HDAC4: variants seen among roughly 807,000 people sequenced by gnomAD.
HDAC4 encodes histone deacetylase A.
A neutral mutation model predicts 135.1 loss-of-function variants in HDAC4; 16 were observed. That is an observed-to-expected ratio of 0.12 (90% CI 0.08 to 0.18). The LOEUF is 0.18. Among genes scored for constraint, HDAC4 ranks in the 10% least tolerant of loss-of-function variants. The pLI, the probability that HDAC4 is intolerant of heterozygous loss-of-function variation, is 1.00. For missense variants in HDAC4, 1,143 were observed against 1,511.8 expected, an observed-to-expected ratio of 0.76 and a Z score of 4.05; for synonymous variants, 685 against 653.4, an observed-to-expected ratio of 1.05 and a Z score of -0.74.
At chr2:239,142,873 C>CA (rs1317821073) in intron 8 of HDAC4, among the ~76,000 whole-genome samples, 4 of 106,716 alleles carry the variant, frequency 3.7e-5, no homozygotes, top group African/African-American at 1.1e-4. Context: ...TCACGCCCTG[C>CA]CGCATGGCTC....
intron 5 of HDAC4, among the ~76,000 whole-genome samples, chr2:239,166,784 G>T (rs2043146307): frequency 6.6e-6 from 1 of 152,236 alleles, no homozygotes; most frequent in African/African-American, 2.4e-5. Context: ...AGGCCGGGCG[G>T]TGGGGAAGAT....
At chr2:239,374,650 G>A (rs1412083751) in intron 1 of HDAC4, among the ~76,000 whole-genome samples, 21 of 151,804 alleles carry the variant, frequency 1.4e-4, no homozygotes, top group Admixed American at 1.0e-3. Context: ...TGATCCGCCC[G>A]CCTCGGCCTC....
At chr2:239,324,028 G>A (rs191168655) in intron 2 of HDAC4, among the ~76,000 whole-genome samples, 31 of 152,282 alleles carry the variant, frequency 2.0e-4, no homozygotes, top group African/African-American at 7.2e-4. Context: ...GGTATGCACT[G>A]ATGAAACACT....
At chr2:239,238,681 A>G (rs2153185721) in intron 2 of HDAC4, among the ~76,000 whole-genome samples, 1 of 152,172 alleles carries the variant, frequency 6.6e-6, no homozygotes, top group South Asian at 2.1e-4. Flanking sequence ...GCCTGAGCCC[A>G]AAAGGCGGAT....
intron 1 of HDAC4, among the ~76,000 whole-genome samples, chr2:239,361,479 G>A (rs534385984): frequency 6.6e-6 from 1 of 152,308 alleles, no homozygotes; most frequent in Admixed American, 6.5e-5. Flanking sequence ...ACAATGCAGG[G>A]AACTGCTGTT....
intron 2 of HDAC4, among the ~76,000 whole-genome samples, chr2:239,325,582 G>A (rs79678495): frequency 0.02 from 3,101 of 152,290 alleles, 103 homozygotes; most frequent in African/African-American, 0.071. Context: ...ATATTGGTGC[G>A]GATGTGAAGA....
intron 3 of HDAC4, among the ~76,000 whole-genome samples, chr2:239,213,513 A>G (rs989083073): frequency 9.2e-5 from 14 of 152,194 alleles, no homozygotes; most frequent in African/African-American, 3.4e-4. Flanking sequence ...TCTGGAATTC[A>G]CTCGGGTTCT....
At chr2:239,120,623 G>A (rs2039596771) in intron 12 of HDAC4, among the ~76,000 whole-genome samples, 1 of 64,020 alleles carries the variant, frequency 1.6e-5, no homozygotes. Context: ...GCGGGGAAGG[G>A]AAATAGGGGG....
At chr2:239,216,998 C>T (rs1027469088) in intron 3 of HDAC4, among the ~76,000 whole-genome samples, 9 of 152,202 alleles carry the variant, frequency 5.9e-5, no homozygotes, top group African/African-American at 2.2e-4. Context: ...TTTCCCTTCC[C>T]CCAGTGTAAC....
At chr2:239,195,094 C>T (rs528403660) in intron 3 of HDAC4, among the ~76,000 whole-genome samples, 47 of 152,282 alleles carry the variant, frequency 3.1e-4, no homozygotes, top group African/African-American at 1.0e-3. Flanking sequence ...CGGTGGGCAC[C>T]GAGGCTGGGG....
chr2:239,212,106 A>C (rs895917635), intron 3 of HDAC4, among the ~76,000 whole-genome samples: 6 of 152,210 alleles, frequency 3.9e-5, no homozygotes, highest in African/African-American at 1.2e-4. Flanking sequence ...TGTCTCACTA[A>C]AATTTTAATC....
intron 3 of HDAC4, among the ~76,000 whole-genome samples, chr2:239,192,730 C>T (rs2045082111): frequency 6.6e-6 from 1 of 152,172 alleles, no homozygotes; most frequent in African/African-American, 2.4e-5. Context: ...GGGACCAGTG[C>T]CCTGCAGTGA....
chr2:239,084,328 C>T (rs2152695165), intron 19 of HDAC4, 86 bp from the exon 20 acceptor site: 1 of 879,790 alleles, frequency 1.1e-6, no homozygotes, highest in Middle Eastern at 2.4e-4. Flanking sequence ...CACTCGGGGT[C>T]CACGCAGACC....
chr2:239,191,937 G>A (rs1031154254), intron 3 of HDAC4, among the ~76,000 whole-genome samples: 1 of 152,202 alleles, frequency 6.6e-6, no homozygotes, highest in South Asian at 2.1e-4. Flanking sequence ...AGCACGGGCT[G>A]CCTCGTTGTT....
chr2:239,370,793 T>A (rs570214284), intron 1 of HDAC4, among the ~76,000 whole-genome samples: 1 of 152,222 alleles, frequency 6.6e-6, no homozygotes, highest in Admixed American at 6.5e-5. Flanking sequence ...TCACAGCTCA[T>A]CCCCGCATCA....
At chr2:239,246,970 G>A (rs2048503133) in intron 2 of HDAC4, among the ~76,000 whole-genome samples, 1 of 152,272 alleles carries the variant, frequency 6.6e-6, no homozygotes, top group South Asian at 2.1e-4. Flanking sequence ...TTTCACCAGA[G>A]CCAGTGGGAG....
chr2:239,225,760 A>G (rs1418121792), intron 3 of HDAC4, among the ~76,000 whole-genome samples: 1 of 152,022 alleles, frequency 6.6e-6, no homozygotes, highest in Admixed American at 6.5e-5. Context: ...CCCAAGGGAC[A>G]CCTCCAGTCC....
At chr2:239,156,826 G>T in intron 6 of HDAC4, 53 bp from the exon 7 acceptor site, 1 of 1,610,126 alleles carries the variant, frequency 6.2e-7, no homozygotes. Context: ...ACTGCCCCAG[G>T]CATGCTGCAG....
In HDAC4 at chr2:239,240,126, C is replaced by A. The variant is rs2048095369; in HGVS notation, c.23-3462G>T. Among the ~76,000 whole-genome samples the A allele has an allele frequency of 6.6e-6, 1 of 152,364 alleles. No homozygotes were observed. Among genetic ancestry groups the A allele is most frequent in the Admixed American group, 6.5e-5 (1 of 15,308 alleles). Reference sequence around the variant, plus strand: ...GAAGCCAAACACTAAAGGCGTTTTGCCAGAGGTGGCTGGTGGAACACAATC... The same window carrying A: ...GAAGCCAAACACTAAAGGCGTTTTGACAGAGGTGGCTGGTGGAACACAATC... On this transcript the variant is annotated intron_variant, in intron 2 of 26. Transcript: ENST00000543185. The surrounding 1 kb of genome is among the most constrained non-coding windows in gnomAD (Gnocchi z 4.5).
Sources: gnomAD v4.1 joint callset for allele counts (sites outside exome capture counted in the v4.1 genomes callset) on GRCh38, gnomAD v4.1.1 for gene constraint, Gnocchi (gnomAD v3.1) non-coding constraint, MANE v1.5 for transcripts, NCBI Gene and HGNC (gene_info 2026-07-23, HGNC 2026-07-21) for gene names.